Variants in SOX6 observed in about 807,000 individuals in gnomAD.
SOX6 encodes SRY-box transcription factor 6.
Under a neutral mutation model 97.8 loss-of-function variants are expected in SOX6, and 11 were observed. That is an observed-to-expected ratio of 0.11 (90% confidence interval 0.07 to 0.19). The LOEUF is 0.19. SOX6 is among the 10% of genes least tolerant of loss of function. SOX6 has a pLI of 1.00. For synonymous variants in SOX6, 360 were observed against 371.4 expected (o/e 0.97, Z 0.35); for missense variants, 810 against 1,039.5 (o/e 0.78, Z 3.04).
chr11:16,724,147 G>A (rs1489174022), intron 2 of SOX6, among the ~76,000 whole-genome samples: 1 of 152,162 alleles, frequency 6.6e-6, no homozygotes, highest in Non-Finnish European at 1.5e-5. Flanking sequence ...TCTTGAAAGA[G>A]GATAAGTCTC....
rs1432011315 is a variant in SOX6 at position 16,189,405 on chromosome 11, ATGTGTGTGTGCATG to A, written c.536-2464_536-2451del. Among the ~76,000 whole-genome samples the A allele has an allele frequency of 4.3e-4, 65 of 151,020 alleles. No homozygotes were observed. In the Middle Eastern group the frequency reaches 0.024, roughly 55 times the overall value. On this transcript the variant is annotated intron_variant, in intron 4 of 15. Transcript: ENST00000683767. Reference sequence around the variant, plus strand: ...AAAGAAAACGCTATAGGCAAAGGTCATGTGTGTGTGCATGTGTGTGTGTGTGTGTGTGTGTACAC... The same window carrying A: ...AAAGAAAACGCTATAGGCAAAGGTCATGTGTGTGTGTGTGTGTGTGTACAC...
rs201794062 is a variant in SOX6, at chr11:16,046,719, A to G, written c.1436-18T>C. On this transcript the variant is annotated intron_variant, in intron 11 of 15. Coordinates refer to ENST00000683767, the MANE Select transcript of SOX6 (RefSeq NM_001367873.1). ...TAGGATATCTGCATACACAGGATGC[A>G]TTATTAGATGCTTGTGAGGTCAGAC... 1.4e-5 allele frequency: 23 copies of G among 1,611,312 alleles called. No homozygotes were observed. In the South Asian group the frequency reaches 2.1e-4, roughly 15 times the overall value.
intron 3 of SOX6, among the ~76,000 whole-genome samples, chr11:16,647,906 G>T (rs1849036951): frequency 6.6e-6 from 1 of 152,162 alleles, no homozygotes; most frequent in Non-Finnish European, 1.5e-5. Context: ...ATCTTACAGG[G>T]ACCCTTGGGG....
chr11:16,638,190 A>G (rs931059614), intron 3 of SOX6, among the ~76,000 whole-genome samples: 2 of 151,786 alleles, frequency 1.3e-5, no homozygotes, highest in Admixed American at 1.3e-4. Flanking sequence ...TTTGCTGAGA[A>G]TGATGGTTTC....
chr11:16,293,939 C>T (rs1854991218), intron 3 of SOX6, among the ~76,000 whole-genome samples: 1 of 151,950 alleles, frequency 6.6e-6, no homozygotes, highest in Non-Finnish European at 1.5e-5. Context: ...ATGTAAACTT[C>T]TCACCACCTT....
chr11:16,650,888 C>T (rs1847638985), intron 3 of SOX6, among the ~76,000 whole-genome samples: 1 of 151,348 alleles, frequency 6.6e-6, no homozygotes, highest in African/African-American at 2.4e-5. Context: ...CAAGATTAAC[C>T]AAGAAAAGAA....
intron 1 of SOX6, among the ~76,000 whole-genome samples, chr11:16,474,264 A>C (rs926102865): frequency 2.0e-5 from 3 of 152,096 alleles, no homozygotes; most frequent in Admixed American, 1.3e-4. Context: ...AATTCCTCTT[A>C]ATATTGCTAT....
chr11:16,095,083 T>A (rs1848765188), intron 9 of SOX6, among the ~76,000 whole-genome samples: 1 of 151,894 alleles, frequency 6.6e-6, no homozygotes, highest in African/African-American at 2.4e-5. Context: ...GCAATTATTT[T>A]CATTTTTGGG....
intron 3 of SOX6, among the ~76,000 whole-genome samples, chr11:16,662,560 C>A (rs907805199): frequency 6.6e-6 from 1 of 151,514 alleles, no homozygotes; most frequent in Non-Finnish European, 1.5e-5. Flanking sequence ...TAAATAATGA[C>A]AAAGTAAGAA....
chr11:16,429,131 T>C (rs958334989), intron 1 of SOX6, among the ~76,000 whole-genome samples: 9 of 152,276 alleles, frequency 5.9e-5, no homozygotes, highest in African/African-American at 2.2e-4. Flanking sequence ...TGAGATACCA[T>C]CTCAGGCCAG....
intron 3 of SOX6, among the ~76,000 whole-genome samples, chr11:16,271,439 G>A (rs1854255759): frequency 6.6e-6 from 1 of 151,366 alleles, no homozygotes; most frequent in South Asian, 2.1e-4. Context: ...GGAGCACTGG[G>A]ACTATCTGGT....
intron 3 of SOX6, among the ~76,000 whole-genome samples, chr11:16,680,528 C>T (rs61883889): frequency 0.012 from 1,836 of 152,180 alleles, 23 homozygotes; most frequent in South Asian, 0.042. Flanking sequence ...AGACAATAGA[C>T]GCTATGAAGA....
At chr11:16,373,898 A>AGGGAGAAGG (rs1857574659) in intron 1 of SOX6, among the ~76,000 whole-genome samples, 1 of 79,460 alleles carries the variant, frequency 1.3e-5, no homozygotes, top group African/African-American at 5.0e-5. Context: ...GGAGGGAGGG[A>AGGGAGAAGG]GGAAGGGAGG....
chr11:16,326,291 A>G (rs528751272), intron 2 of SOX6, among the ~76,000 whole-genome samples: 2 of 152,154 alleles, frequency 1.3e-5, no homozygotes, highest in East Asian at 3.9e-4. Context: ...CAGACCCTTC[A>G]TCATCCTCCT....
intron 3 of SOX6, among the ~76,000 whole-genome samples, chr11:16,668,635 A>C (rs1449937201): frequency 6.6e-6 from 1 of 152,190 alleles, no homozygotes; most frequent in Non-Finnish European, 1.5e-5. Context: ...AACAAATAAG[A>C]CCCAACAATC....
At chr11:16,707,059 C>G (rs183458053) in intron 3 of SOX6, among the ~76,000 whole-genome samples, 4 of 152,232 alleles carry the variant, frequency 2.6e-5, no homozygotes, top group Admixed American at 2.6e-4. Flanking sequence ...ATCTTAAAGG[C>G]AGTGTTCTCC....
At chr11:16,340,628 A>G (rs1856600446) in intron 2 of SOX6, among the ~76,000 whole-genome samples, 1 of 152,138 alleles carries the variant, frequency 6.6e-6, no homozygotes. Flanking sequence ...GACCTCATTC[A>G]CACAGACATA....
At chr11:16,557,185 CTT>C (rs1847758562) in intron 4 of SOX6, among the ~76,000 whole-genome samples, 1 of 151,786 alleles carries the variant, frequency 6.6e-6, no homozygotes, top group South Asian at 2.1e-4. Context: ...TCAAAAGCCT[CTT>C]GAGTATAATT....
At chr11:16,178,654 T>C (rs1376456170) in intron 6 of SOX6, among the ~76,000 whole-genome samples, 1 of 151,992 alleles carries the variant, frequency 6.6e-6, no homozygotes, top group African/African-American at 2.4e-5. Flanking sequence ...ACAGTGCCAA[T>C]AGAAGTATCA....
Sources: allele counts gnomAD v4.1 joint callset (sites outside exome capture counted in the v4.1 genomes callset), GRCh38; gene constraint gnomAD v4.1.1; transcripts MANE v1.5; gene names NCBI Gene and HGNC (gene_info 2026-07-23, HGNC 2026-07-21).